The following ASCC3 variants were observed in gnomAD, a reference collection of about 807,000 sequenced individuals.
ASCC3 encodes the protein activating signal cointegrator 1 complex subunit 3, also known as ASC-1 complex subunit P200.
A neutral mutation model predicts 256.3 loss-of-function variants in ASCC3; 158 were observed. The ratio of observed to expected loss-of-function variants is 0.62; its 90% CI spans 0.54 to 0.70. ASCC3 has a LOEUF of 0.70. Ranked by LOEUF, ASCC3 falls within the 30% of genes least tolerant of loss-of-function variation. The pLI, the probability that ASCC3 is intolerant of heterozygous loss-of-function variation, is 0.00. For missense variants in ASCC3, 2,259 were observed against 2,626.0 expected, an observed-to-expected ratio of 0.86 and a Z score of 3.05; for synonymous variants, 948 against 883.4, an observed-to-expected ratio of 1.07 and a Z score of -1.30.
intron 3 of ASCC3, chr6:100,859,060 A>T (rs766747701): frequency 9.1e-6 from 7 of 769,394 alleles, no homozygotes; most frequent in African/African-American, 3.4e-5. Context: ...TTAATAGTCA[A>T]ATATTCAGAT....
chr6:100,879,375 CA>C (rs1769167048), intron 1 of ASCC3, among the ~76,000 whole-genome samples: 1 of 152,190 alleles, frequency 6.6e-6, no homozygotes, highest in Non-Finnish European at 1.5e-5. Flanking sequence ...CCTCCCTAAG[CA>C]GTTAGGGGGT....
intron 36 of ASCC3, among the ~76,000 whole-genome samples, chr6:100,575,398 G>A (rs1054211604): frequency 1.3e-5 from 2 of 151,878 alleles, no homozygotes; most frequent in Non-Finnish European, 2.9e-5. Context: ...CCTCAAACAC[G>A]ATAAAATTCA....
chr6:100,726,729 T>A (rs1205227563), intron 10 of ASCC3, among the ~76,000 whole-genome samples: 4 of 152,038 alleles, frequency 2.6e-5, no homozygotes, highest in Non-Finnish European at 5.9e-5. Flanking sequence ...TTCCCTGAAC[T>A]AAAATGGCTA....
intron 1 of ASCC3, among the ~76,000 whole-genome samples, chr6:100,878,153 C>T (rs1032749756): frequency 6.6e-6 from 1 of 152,202 alleles, no homozygotes; most frequent in Non-Finnish European, 1.5e-5. Flanking sequence ...CTGAATAGTT[C>T]TCAATCAAGT....
intron 16 of ASCC3, among the ~76,000 whole-genome samples, chr6:100,661,323 TCA>T (rs749963143): frequency 0.38 from 53,617 of 141,434 alleles, 10,002 homozygotes; most frequent in South Asian, 0.55. Context: ...AACACAAAAG[TCA>T]CACACACACA....
chr6:100,627,394 T>C (rs994545820), intron 29 of ASCC3, among the ~76,000 whole-genome samples, 196 bp downstream of exon 29: 4 of 152,170 alleles, frequency 2.6e-5, no homozygotes, highest in African/African-American at 7.2e-5. Context: ...GTCATTACCA[T>C]TTGTGAAATC....
intron 4 of ASCC3, among the ~76,000 whole-genome samples, chr6:100,829,804 A>G (rs142036774): frequency 1.3e-5 from 2 of 152,300 alleles, no homozygotes; most frequent in East Asian, 3.9e-4. Context: ...AATTAGCCAC[A>G]GTAAGAGATC....
At chr6:100,609,405 T>C (rs979738412) in intron 30 of ASCC3, among the ~76,000 whole-genome samples, 1 of 152,086 alleles carries the variant, frequency 6.6e-6, no homozygotes, top group Non-Finnish European at 1.5e-5. Context: ...TTATATATTA[T>C]AATTTTTACA....
rs756917611 is a variant in ASCC3, at chr6:100,628,001, A to G, written c.4376-14T>C. On this transcript the variant is annotated splice_polypyrimidine_tract_variant and intron_variant, in intron 27 of 41. Transcript: ENST00000369162. The stretch of plus-strand genomic sequence containing the variant: ...CTCTTTCCTCCCCTAGAAAATAGGG[A>G]AAAATCAATGTTAATCATTTAACAA... 1 of 1,612,816 alleles carries G rather than the reference A, an allele frequency of 6.2e-7. No homozygotes were observed. Among genetic ancestry groups the G allele is most frequent in the South Asian group, 1.1e-5 (1 of 91,050 alleles).
At chr6:100,519,075 TA>T (rs1346135923) in intron 37 of ASCC3, among the ~76,000 whole-genome samples, 1 of 152,144 alleles carries the variant, frequency 6.6e-6, no homozygotes, top group Non-Finnish European at 1.5e-5. Flanking sequence ...AAATAATTTT[TA>T]AGGCATACTA....
At chr6:100,655,214 T>C (rs921113026) in intron 17 of ASCC3, among the ~76,000 whole-genome samples, 73 of 152,076 alleles carry the variant, frequency 4.8e-4, no homozygotes, top group African/African-American at 1.6e-3. Context: ...AGTCTATGTA[T>C]ATGGACTTGA....
chr6:100,782,760 T>A (rs905444478), intron 8 of ASCC3, among the ~76,000 whole-genome samples: 39 of 152,052 alleles, frequency 2.6e-4, no homozygotes, highest in African/African-American at 8.7e-4. Flanking sequence ...GATGAAAAGA[T>A]CTTTTTATGG....
chr6:100,719,132 A>G (rs1389148083), intron 11 of ASCC3, among the ~76,000 whole-genome samples: 2 of 152,174 alleles, frequency 1.3e-5, no homozygotes, highest in East Asian at 1.9e-4. Context: ...AGATCCACAC[A>G]TGCAGAGACT....
At chr6:100,774,512 C>T (rs1297061690) in intron 8 of ASCC3, among the ~76,000 whole-genome samples, 1 of 152,000 alleles carries the variant, frequency 6.6e-6, no homozygotes, top group Non-Finnish European at 1.5e-5. Context: ...ACTACAGGCG[C>T]CCATCACCAC....
intron 36 of ASCC3, among the ~76,000 whole-genome samples, chr6:100,556,099 T>A (rs1411796927): frequency 6.6e-6 from 1 of 152,194 alleles, no homozygotes; most frequent in Non-Finnish European, 1.5e-5. Flanking sequence ...TAATTTGCAT[T>A]TCTACTGGGT....
At chr6:100,628,068 G>T in intron 27 of ASCC3, 81 bp from the exon 28 acceptor site, 4 of 1,333,478 alleles carry the variant, frequency 3.0e-6, no homozygotes, top group Non-Finnish European at 4.2e-6. Flanking sequence ...GGAAGAGTTT[G>T]TAGCTTCCTC....
intron 37 of ASCC3, among the ~76,000 whole-genome samples, chr6:100,537,642 A>G (rs1243535387): frequency 6.6e-6 from 1 of 152,070 alleles, no homozygotes; most frequent in Non-Finnish European, 1.5e-5. Context: ...TTTCAAAACG[A>G]AAGTCTAATT....
intron 36 of ASCC3, among the ~76,000 whole-genome samples, chr6:100,579,473 TA>T (rs1415100882): frequency 3.3e-5 from 5 of 152,140 alleles, no homozygotes; most frequent in African/African-American, 1.2e-4. Context: ...TTTGTAGTTT[TA>T]GGTTTCACAT....
chr6:100,730,107 C>T (rs1475165132), intron 10 of ASCC3, among the ~76,000 whole-genome samples: 2 of 151,752 alleles, frequency 1.3e-5, no homozygotes, highest in Non-Finnish European at 2.9e-5. Context: ...GAGTTTGACA[C>T]CAGCCTGTGC....
Sources: gnomAD v4.1 joint callset for allele counts (sites outside exome capture counted in the v4.1 genomes callset) on GRCh38, gnomAD v4.1.1 for gene constraint, MANE v1.5 for transcripts, NCBI Gene and HGNC (gene_info 2026-07-23, HGNC 2026-07-21) for gene names.